The following SLC12A6 variants were observed in gnomAD, a reference collection of about 807,000 sequenced individuals.
The protein encoded by SLC12A6 is solute carrier family 12 member 6, also known as K-Cl cotransporter 3.
A neutral mutation model predicts 135.3 loss-of-function variants in SLC12A6; 66 were observed. The observed-to-expected ratio is 0.49, with a 90% confidence interval of 0.40 to 0.60. SLC12A6 has a LOEUF of 0.60. Ranked by LOEUF, SLC12A6 falls within the 20% of genes least tolerant of loss-of-function variation. SLC12A6 has a pLI of 0.00. For synonymous variants in SLC12A6, 513 were observed against 508.8 expected (o/e 1.01, Z -0.11); for missense variants, 1,058 against 1,452.3 (o/e 0.73, Z 4.41).
chr15:34,257,681 A>G lies in SLC12A6; in HGVS notation c.651T>C (p.Val217=), dbSNP rs747412453. ...RLTWVVGTAG[V]LQAFAIVLIC... ...TAAGGACAATTGCAAAAGCCTGAAGAACTCCAGCTGTGCCCACCACCCATG... is the reference window on the plus strand; with the variant it reads ...TAAGGACAATTGCAAAAGCCTGAAGGACTCCAGCTGTGCCCACCACCCATG... Residue 217 remains valine, a synonymous_variant, in exon 6 of 26, where the codon GTT becomes GTC. Coordinates refer to ENST00000354181, the MANE Select transcript of SLC12A6 (RefSeq NM_001365088.1). 5.6e-6 allele frequency: 9 copies of G among 1,613,726 alleles called. No homozygotes were observed. In the South Asian group the frequency reaches 9.9e-5, roughly 18 times the overall value.
chr15:34,274,643 T>C (rs1405239421), intron 3 of SLC12A6, among the ~76,000 whole-genome samples: 1 of 152,096 alleles, frequency 6.6e-6, no homozygotes, highest in Non-Finnish European at 1.5e-5. Flanking sequence ...TGAAACCCTG[T>C]CTGTACTAAA....
intron 4 of SLC12A6, 75 bp downstream of exon 4, chr15:34,260,851 A>T: frequency 7.9e-6 from 6 of 762,034 alleles, no homozygotes; most frequent in Non-Finnish European, 1.4e-5. Context: ...TTTTTAAACC[A>T]AATGGGGTAA....
intron 2 of SLC12A6, among the ~76,000 whole-genome samples, chr15:34,293,363 G>A (rs947192696): frequency 4.0e-5 from 6 of 151,602 alleles, no homozygotes; most frequent in African/African-American, 1.5e-4. Flanking sequence ...GGAGTGCAGT[G>A]GTGCAAACTC....
intron 2 of SLC12A6, among the ~76,000 whole-genome samples, chr15:34,276,233 T>C (rs1338836000): frequency 1.3e-5 from 2 of 152,224 alleles, no homozygotes; most frequent in Non-Finnish European, 2.9e-5. Flanking sequence ...TGAATTATAT[T>C]TTTAATGACG....
In SLC12A6 at chr15:34,236,323, C is replaced by T. The variant is rs550375264; in HGVS notation, c.3043-124G>A. 1.4e-4 allele frequency: 106 copies of T among 778,956 alleles called. 1 individual carries two copies. Among genetic ancestry groups the T allele is most frequent in the South Asian group, 1.1e-3 (72 of 68,008 alleles). The allele number at this position is 778,956 out of a possible 1,614,324, so 48.3% of individuals were successfully genotyped here. ...GACAGAGTGAGAAGGAATTTGTCAT[C>T]CTTGAAAACAATATAGTATCATCCC... is the stretch of plus-strand genomic sequence containing the variant. On this transcript the variant is annotated intron_variant, in intron 23 of 25. Transcript: ENST00000354181.
At position 34,283,075 on chromosome 15, in the gene SLC12A6, G is replaced by A. The variant is rs1192462139; in HGVS notation, c.272-7686C>T. Among the ~76,000 whole-genome samples the A allele has an allele frequency of 5.9e-5, 9 of 152,358 alleles. No homozygotes were observed. In the East Asian group the frequency reaches 7.7e-4, roughly 13 times the overall value. ...AGAAAATTAATAGCCGGGCACTGTG[G>A]CTCACGCCTGTAATCCCAGCACTTT... On this transcript the variant is annotated intron_variant, in intron 2 of 25. Transcript: ENST00000354181.
intron 3 of SLC12A6, among the ~76,000 whole-genome samples, chr15:34,272,656 T>C (rs1894044901): frequency 6.6e-6 from 1 of 152,206 alleles, no homozygotes; most frequent in Non-Finnish European, 1.5e-5. Context: ...CAAATACTAT[T>C]AGAATTTTTT....
chr15:34,254,251 A>G, intron 9 of SLC12A6, 97 bp downstream of exon 9: 1 of 1,277,606 alleles, frequency 7.8e-7, no homozygotes, highest in Non-Finnish European at 1.1e-6. Context: ...AAAATCTCAG[A>G]GAGACTCTAT....
At chr15:34,256,863 G>C (rs1435853326) in intron 6 of SLC12A6, among the ~76,000 whole-genome samples, 2 of 152,166 alleles carry the variant, frequency 1.3e-5, no homozygotes, top group Non-Finnish European at 2.9e-5. Flanking sequence ...GAGTGTAAAA[G>C]ATTTCAGAGA....
chr15:34,289,489 C>T (rs1443226595), intron 2 of SLC12A6, among the ~76,000 whole-genome samples: 1 of 152,136 alleles, frequency 6.6e-6, no homozygotes, highest in African/African-American at 2.4e-5. Flanking sequence ...TGATGCTGGC[C>T]TCATAAAATG....
intron 2 of SLC12A6, among the ~76,000 whole-genome samples, chr15:34,276,823 A>G (rs947596612): frequency 2.0e-5 from 3 of 152,194 alleles, no homozygotes; most frequent in Non-Finnish European, 2.9e-5. Flanking sequence ...TATGTTTTAC[A>G]TATCATTTAA....
chr15:34,309,554 G>A (rs1266486354), intron 2 of SLC12A6, among the ~76,000 whole-genome samples: 6 of 152,208 alleles, frequency 3.9e-5, no homozygotes, highest in African/African-American at 1.2e-4. Flanking sequence ...TGATAACAGT[G>A]CTCAAATAAG....
At position 34,264,967 on chromosome 15, in the gene SLC12A6, C is replaced by T. The variant is rs369880733; in HGVS notation, c.317-3947G>A. Among the ~76,000 whole-genome samples the T allele has an allele frequency of 1.1e-4, 17 of 152,240 alleles. No individual in the cohort carries two copies. The East Asian group carries it at 2.7e-3, about 24-fold the overall frequency. On this transcript the variant is annotated intron_variant, in intron 3 of 25. Coordinates refer to ENST00000354181, the MANE Select transcript of SLC12A6 (RefSeq NM_001365088.1). ...ATCCCAACACTTTAGGAGGCCGAGG[C>T]GGGCGAATCACGAGGTCAGGAGATT...
intron 2 of SLC12A6, among the ~76,000 whole-genome samples, chr15:34,315,222 CT>C (rs1888553967): frequency 6.6e-6 from 1 of 152,180 alleles, no homozygotes; most frequent in African/African-American, 2.4e-5. Context: ...ACGTTGCATG[CT>C]ACAGAGAAAT....
Position 34,233,908 on chromosome 15 carries a change from G to T in SLC12A6, c.3426C>A (p.Gly1142=). The change falls in exon 26 of 26, where the codon GGC becomes GGA. Residue 1142 remains glycine (G), a synonymous_variant. Coordinates refer to ENST00000354181, the MANE Select transcript of SLC12A6 (RefSeq NM_001365088.1). ...LERVLLVRGG[G]SEVITIYS Reference sequence around the variant, plus strand: ...ATGAATAAATGGTGATCACTTCACTGCCACCACCCCGGACAAGTAGGACTC... The same window carrying T: ...ATGAATAAATGGTGATCACTTCACTTCCACCACCCCGGACAAGTAGGACTC... 1 of 1,601,414 alleles carries T rather than the reference G, an allele frequency of 6.2e-7. No homozygotes were observed. Among genetic ancestry groups the T allele is most frequent in the Non-Finnish European group, 8.6e-7 (1 of 1,168,418 alleles).
At chr15:34,295,013 A>G (rs769394885) in intron 2 of SLC12A6, among the ~76,000 whole-genome samples, 7 of 152,256 alleles carry the variant, frequency 4.6e-5, no homozygotes, top group Admixed American at 6.5e-5. Context: ...GACCAATAAA[A>G]GTCTCCTAGT....
intron 2 of SLC12A6, among the ~76,000 whole-genome samples, chr15:34,311,865 T>C (rs190506376): frequency 2.6e-5 from 4 of 151,894 alleles, no homozygotes; most frequent in South Asian, 2.1e-4. Context: ...CTTTTTATCA[T>C]TGCCTCTAAA....
chr15:34,301,692 A>G (rs948261484), intron 2 of SLC12A6, among the ~76,000 whole-genome samples: 4 of 151,938 alleles, frequency 2.6e-5, no homozygotes, highest in East Asian at 3.8e-4. Context: ...ATTTTAAAGA[A>G]AAGACAGCCA....
chr15:34,336,543 G>A lies in SLC12A6; in HGVS notation c.138C>T (p.Ser46=), dbSNP rs768231586. ...SSRSSSRVRF[S]SRESVPETSR... is the part of the protein sequence containing the mutation. Reference sequence around the variant, plus strand: ...TTGTTTCAGGCACGCTTTCCCGGGAGCTAAATCTTACTCGGGAACTAGATC... The same window carrying A: ...TTGTTTCAGGCACGCTTTCCCGGGAACTAAATCTTACTCGGGAACTAGATC... The change falls in exon 2 of 26, where the codon AGC becomes AGT. Residue 46 remains serine, a synonymous_variant. Coordinates refer to ENST00000354181, the MANE Select transcript of SLC12A6 (RefSeq NM_001365088.1). The A allele has an allele frequency of 1.9e-6, 3 of 1,613,888 alleles. No individual in the cohort carries two copies. Among genetic ancestry groups the A allele is most frequent in the South Asian group, 1.1e-5 (1 of 91,072 alleles).
Sources: allele counts gnomAD v4.1 joint callset (sites outside exome capture counted in the v4.1 genomes callset), GRCh38; gene constraint gnomAD v4.1.1; transcripts MANE v1.5; gene names NCBI Gene and HGNC (gene_info 2026-07-23, HGNC 2026-07-21).